Variants in GAPVD1 observed in about 807,000 individuals in gnomAD.
GAPVD1 encodes GTPase-activating protein and VPS9 domain-containing protein 1.
GAPVD1 carries 35 observed loss-of-function variants against 155.5 expected under a neutral mutation model. The ratio of observed to expected loss-of-function variants is 0.23; its 90% CI spans 0.17 to 0.30. The LOEUF (loss-of-function observed/expected upper bound fraction) is 0.30, where lower values mean the gene tolerates loss of function less well. Ranked by LOEUF, GAPVD1 falls within the 10% of genes least tolerant of loss-of-function variation. The pLI is 1.00. For missense variants in GAPVD1, 1,429 were observed against 1,775.7 expected, an observed-to-expected ratio of 0.80 and a Z score of 3.51; for synonymous variants, 636 against 619.7, an observed-to-expected ratio of 1.03 and a Z score of -0.39.
intron 2 of GAPVD1, among the ~76,000 whole-genome samples, chr9:125,279,455 C>T (rs540676845): frequency 2.0e-5 from 3 of 151,402 alleles, no homozygotes; most frequent in South Asian, 4.2e-4. Flanking sequence ...CCTGTAATCC[C>T]AGCTACTATG....
chr9:125,341,599 G>T (rs1847859706), intron 18 of GAPVD1: 1 of 178,784 alleles, frequency 5.6e-6, no homozygotes, highest in Non-Finnish European at 1.2e-5. Context: ...GACGTTATTG[G>T]TAATTAAACA....
intron 19 of GAPVD1, among the ~76,000 whole-genome samples, chr9:125,342,650 A>G (rs764697849): frequency 2.0e-5 from 3 of 152,182 alleles, no homozygotes; most frequent in African/African-American, 4.8e-5. Context: ...TGCATGCTGT[A>G]TCTTTGGATC....
chr9:125,314,439 C>T (rs1368662203), intron 9 of GAPVD1, among the ~76,000 whole-genome samples: 10 of 152,038 alleles, frequency 6.6e-5, no homozygotes, highest in Non-Finnish European at 1.2e-4. Context: ...GTGGATCCCC[C>T]GAGGTCAGGA....
chr9:125,291,230 A>G (rs1838549794), intron 2 of GAPVD1, among the ~76,000 whole-genome samples: 5 of 152,142 alleles, frequency 3.3e-5, no homozygotes, highest in Admixed American at 3.3e-4. Flanking sequence ...TTGTGGCTAC[A>G]GTGCTGTGAT....
At chr9:125,354,094 G>T (rs1849698682) in intron 23 of GAPVD1, among the ~76,000 whole-genome samples, 1 of 152,152 alleles carries the variant, frequency 6.6e-6, no homozygotes, top group African/African-American at 2.4e-5. Context: ...AGGAATTGCT[G>T]TGCTTTTTCT....
At chr9:125,313,079 C>T (rs1050876651) in intron 9 of GAPVD1, among the ~76,000 whole-genome samples, 4 of 152,130 alleles carry the variant, frequency 2.6e-5, no homozygotes, top group African/African-American at 9.7e-5. Flanking sequence ...CTTTGCCTCC[C>T]AAAGTGCTGA....
chr9:125,293,720 T>TA (rs1839071176), intron 2 of GAPVD1, among the ~76,000 whole-genome samples: 1 of 64,474 alleles, frequency 1.6e-5, no homozygotes, highest in East Asian at 3.2e-4. Context: ...TTTTTATATT[T>TA]TATATAAATA....
At position 125,354,685 on chromosome 9, in the gene GAPVD1, C is replaced by G. The variant is rs1460816244; in HGVS notation, c.3601C>G (p.Arg1201Gly). 1 of 1,613,388 alleles carries G rather than the reference C, an allele frequency of 6.2e-7. No individual in the cohort carries two copies. Among genetic ancestry groups the G allele is most frequent in the African/African-American group, 1.3e-5 (1 of 75,026 alleles). The change falls in exon 24 of 28, where the codon CGT becomes GGT. Residue 1201 changes from arginine to glycine, a missense_variant. By Grantham distance (125) the Arg-to-Gly change is moderately radical (BLOSUM62 -2). Coordinates refer to ENST00000297933, the MANE Select transcript of GAPVD1 (RefSeq NM_001282680.3). ...AGCCCCATATATTGCTTATCTCACTCGTTGTCGACAAGGACTACAGACCAC... is the reference window on the plus strand; with the variant it reads ...AGCCCCATATATTGCTTATCTCACTGGTTGTCGACAAGGACTACAGACCAC... ...KRAPYIAYLT[R>G]CRQGLQTTQA...
intron 2 of GAPVD1, among the ~76,000 whole-genome samples, chr9:125,281,700 T>C (rs1836816902): frequency 6.6e-6 from 1 of 152,228 alleles, no homozygotes; most frequent in Non-Finnish European, 1.5e-5. Context: ...CCATTCAGCA[T>C]ACTATATTAC....
chr9:125,359,704 G>T (rs1429789378), intron 26 of GAPVD1: 3 of 499,120 alleles, frequency 6.0e-6, no homozygotes, highest in African/African-American at 5.9e-5. Context: ...CAGTTGTGAG[G>T]AGCCCTTCCT....
intron 2 of GAPVD1, among the ~76,000 whole-genome samples, chr9:125,286,987 G>A (rs529028947): frequency 6.6e-6 from 1 of 152,192 alleles, no homozygotes; most frequent in East Asian, 1.9e-4. Context: ...GGGAGGCTGA[G>A]GCAGGACAAT....
Position 125,354,640 on chromosome 9 carries a change from A to G in GAPVD1, c.3570-14A>G. On this transcript the variant is annotated splice_polypyrimidine_tract_variant and intron_variant, in intron 23 of 27. Transcript: ENST00000297933. ...GAATATATCTGATGTCATGCAAAGT[A>G]TTTTTCCTTTTAGAAAAAGAGCCCC... 1 of 1,579,344 alleles carries G rather than the reference A, an allele frequency of 6.3e-7. No homozygotes were observed. Among genetic ancestry groups the G allele is most frequent in the South Asian group, 1.1e-5 (1 of 90,280 alleles).
Position 125,337,092 on chromosome 9 carries a change from G to A in GAPVD1, c.2503G>A (p.Glu835Lys), listed in dbSNP as rs769341677. The A allele has an allele frequency of 6.8e-6, 11 of 1,610,924 alleles. No individual in the cohort carries two copies. Among genetic ancestry groups the A allele is most frequent in the Non-Finnish European group, 5.9e-6 (7 of 1,177,230 alleles). ...LAMFDPLSSH[E>K]GASAVVRPKV... Reference sequence around the variant, plus strand: ...CATGTTTGATCCACTGTCTTCACATGAAGGTAAACCAGTGAAATGAACTTT... The same window carrying A: ...CATGTTTGATCCACTGTCTTCACATAAAGGTAAACCAGTGAAATGAACTTT... Residue 835 changes from glutamate to lysine, a missense_variant, in exon 16 of 28, where the codon GAA becomes AAA. By Grantham distance (56) the Glu-to-Lys change is moderately conservative. This residue lies in a region of GAPVD1 where 699 missense variants were observed against 826.0 expected (regional missense o/e 0.85). Transcript: ENST00000297933.
At chr9:125,307,199 G>C (rs1841989605) in intron 6 of GAPVD1, among the ~76,000 whole-genome samples, 1 of 151,204 alleles carries the variant, frequency 6.6e-6, no homozygotes, top group South Asian at 2.1e-4. Context: ...GAGGAGGTGT[G>C]CAGAGGTTGC....
intron 4 of GAPVD1, 105 bp from the exon 5 acceptor site, chr9:125,301,878 T>C (rs1236211828): frequency 7.5e-6 from 7 of 930,414 alleles, no homozygotes; most frequent in Admixed American, 6.7e-5. Context: ...GACCTCATTG[T>C]TGGGACCATA....
chr9:125,295,937 C>A (rs1473524692), intron 3 of GAPVD1, among the ~76,000 whole-genome samples: 4 of 152,030 alleles, frequency 2.6e-5, no homozygotes, highest in Non-Finnish European at 4.4e-5. Context: ...TATATTTGTT[C>A]AATTACATTG....
intron 12 of GAPVD1, among the ~76,000 whole-genome samples, chr9:125,328,875 CA>C (rs1845632263): frequency 6.6e-6 from 1 of 152,134 alleles, no homozygotes; most frequent in Admixed American, 6.5e-5. Context: ...GCTGGCCGGG[CA>C]GGGGGGCTCA....
intron 1 of GAPVD1, among the ~76,000 whole-genome samples, chr9:125,268,600 A>G (rs1245859515): frequency 6.6e-6 from 1 of 151,656 alleles, no homozygotes; most frequent in Non-Finnish European, 1.5e-5. Context: ...CCCTGTCTCA[A>G]GAGATTCCCC....
In GAPVD1 at chr9:125,302,698, G is replaced by A. The variant is rs1564340407; in HGVS notation, c.901G>A (p.Glu301Lys). 1.2e-6 allele frequency: 2 copies of A among 1,611,974 alleles called. No individual in the cohort carries two copies. Residue 301 changes from glutamate to lysine, a missense_variant, in exon 5 of 28, where the codon GAG (glutamate) becomes AAG (lysine). Physicochemically the swap from Glu to Lys is moderately conservative, Grantham distance 56. Transcript: ENST00000297933. The part of the protein sequence containing the change: ...LSCVDRLEVG[E>K]VRAMCTDLLL... ...CTGTGTAGATAGGCTGGAAGTTGGG[G>A]AGGTCAGGGCAATGTGTACTGATCT...
Sources: gnomAD v4.1 joint callset for allele counts (sites outside exome capture counted in the v4.1 genomes callset) on GRCh38, gnomAD v4.1.1 for gene constraint, gnomAD v4.1.1 regional missense constraint, MANE v1.5 for transcripts, NCBI Gene and HGNC (gene_info 2026-07-23, HGNC 2026-07-21) for gene names.